The following SCAI variants were observed in gnomAD, a reference collection of about 807,000 sequenced individuals.
SCAI encodes the protein suppressor of cancer cell invasion.
In SCAI, 24 loss-of-function variants were observed where a neutral mutation model predicts 92.2. The observed-to-expected ratio is 0.26, with a 90% CI of 0.19 to 0.37. The LOEUF (loss-of-function observed/expected upper bound fraction) is 0.37, where lower values mean the gene tolerates loss of function less well. SCAI is among the 10% of genes least tolerant of loss of function. The pLI, the probability that SCAI is intolerant of heterozygous loss-of-function variation, is 1.00. For missense variants in SCAI, 450 were observed against 736.2 expected (o/e 0.61, Z 4.50); for synonymous variants, 261 against 258.6 (o/e 1.01, Z -0.09).
intron 3 of SCAI, among the ~76,000 whole-genome samples, chr9:125,042,612 A>AGTGTGTGTGT (rs1221206087): frequency 1.1e-4 from 8 of 71,036 alleles, no homozygotes; most frequent in African/African-American, 4.2e-4. Context: ...CTTCCACCAG[A>AGTGTGTGTGT]GTATGTGTGT....
Position 124,947,866 on chromosome 9 carries a change from G to A in SCAI, c.*4941C>T, listed in dbSNP as rs1831172562. On this transcript the variant is annotated 3_prime_UTR_variant, in exon 18 of 18. Transcript: ENST00000336505. ...TCATATCAAATCTTTTACTCAGGGT[G>A]GGGAGGTGGTTTTGAATCACTGGCA... is the stretch of plus-strand genomic sequence containing the variant. 2 of 152,296 alleles carry A rather than the reference G, an allele frequency of 1.3e-5. 1 individual carries two copies. The highest frequency in any genetic ancestry group is 3.9e-4 in the East Asian group (2 of 5,182). The allele number at this position is 152,296 out of a possible 1,614,324, so 9.4% of individuals were successfully genotyped here.
intron 2 of SCAI, among the ~76,000 whole-genome samples, chr9:125,065,574 T>C (rs551091065): frequency 1.5e-4 from 23 of 152,208 alleles, no homozygotes; most frequent in Non-Finnish European, 2.6e-4. Context: ...GGAACATTCC[T>C]CAGCTCATTT....
intron 3 of SCAI, among the ~76,000 whole-genome samples, chr9:125,032,189 A>T (rs867080681): frequency 7.5e-4 from 61 of 81,304 alleles, no homozygotes; most frequent in South Asian, 2.9e-3. Flanking sequence ...ATATATATAT[A>T]TATATATTTT....
At chr9:124,997,337 T>G (rs1564371429) in intron 13 of SCAI, among the ~76,000 whole-genome samples, 2 of 152,292 alleles carry the variant, frequency 1.3e-5, no homozygotes, top group South Asian at 4.1e-4. Context: ...GAAACACAAG[T>G]CAATTTCATG....
intron 2 of SCAI, among the ~76,000 whole-genome samples, chr9:125,093,882 A>G (rs937283191): frequency 6.6e-6 from 1 of 151,830 alleles, no homozygotes; most frequent in African/African-American, 2.4e-5. Context: ...CGTTTTTTTA[A>G]TCTACACACT....
intron 17 of SCAI, among the ~76,000 whole-genome samples, chr9:124,963,426 G>A (rs550653256): frequency 1.4e-4 from 21 of 152,012 alleles, no homozygotes; most frequent in South Asian, 2.1e-4. Context: ...GAGCCACAGC[G>A]CCGGGCTGAG....
At chr9:125,055,761 T>C (rs1564395427) in intron 3 of SCAI, 115 bp downstream of exon 3, 7 of 755,776 alleles carry the variant, frequency 9.3e-6, no homozygotes, top group Non-Finnish European at 1.0e-5. Flanking sequence ...ATCACTCTAA[T>C]ACAGAAATTT....
chr9:125,004,135 C>T (rs998551668), intron 9 of SCAI, among the ~76,000 whole-genome samples: 1 of 151,988 alleles, frequency 6.6e-6, no homozygotes, highest in South Asian at 2.1e-4. Context: ...GAAATCGCAC[C>T]ATCGTATTCC....
intron 2 of SCAI, among the ~76,000 whole-genome samples, chr9:125,128,072 G>A (rs1835314145): frequency 1.3e-5 from 2 of 152,120 alleles, no homozygotes; most frequent in African/African-American, 4.8e-5. Flanking sequence ...CAGAACTTTG[G>A]GAGGCTGGGG....
intron 6 of SCAI, among the ~76,000 whole-genome samples, chr9:125,021,957 C>A (rs545809234): frequency 6.6e-6 from 1 of 152,188 alleles, no homozygotes; most frequent in East Asian, 1.9e-4. Context: ...AGACAACACA[C>A]ACTTTATTGA....
In SCAI at chr9:124,951,120, C is replaced by T. The variant is rs1352803179; in HGVS notation, c.*1687G>A. The T allele has an allele frequency of 6.8e-6, 1 of 147,992 alleles. No individual in the cohort carries two copies. Among genetic ancestry groups the T allele is most frequent in the African/African-American group, 2.5e-5 (1 of 40,180 alleles). 9.2% of individuals were successfully genotyped at this position (147,992 alleles called of 1,614,324 possible). On this transcript the variant is annotated 3_prime_UTR_variant, in exon 18 of 18. Coordinates refer to ENST00000336505, the MANE Select transcript of SCAI (RefSeq NM_001144877.3). ...AGTCCCCAAACCCCAAAAACAGTAA[C>T]TTTGGACTTCAGGTTTGAAAAATCA... is the stretch of plus-strand genomic sequence containing the variant.
At chr9:125,120,585 C>A (rs778785059) in intron 2 of SCAI, among the ~76,000 whole-genome samples, 2 of 152,060 alleles carry the variant, frequency 1.3e-5, no homozygotes, top group South Asian at 4.1e-4. Context: ...CCCAGCTACT[C>A]GGGAGGCTGA....
intron 17 of SCAI, chr9:124,968,457 G>A: frequency 1.0e-6 from 1 of 986,532 alleles, no homozygotes; most frequent in African/African-American, 1.6e-5. Context: ...GGATGGAGAA[G>A]ATAACCAGAT....
intron 3 of SCAI, among the ~76,000 whole-genome samples, chr9:125,039,385 C>CAAAAAAAAAAAAAAA (rs58716034): frequency 2.1e-5 from 1 of 48,362 alleles, no homozygotes; most frequent in African/African-American, 8.6e-5. Context: ...GACTCCATCT[C>CAAAAAAAAAAAAAAA]AAAAAAAAAA....
chr9:125,088,953 T>C (rs1181471407), intron 2 of SCAI, among the ~76,000 whole-genome samples: 1 of 152,170 alleles, frequency 6.6e-6, no homozygotes, highest in Non-Finnish European at 1.5e-5. Flanking sequence ...GCCAGTTGCA[T>C]CACCCCCCTA....
At chr9:125,049,495 C>T (rs1833512737) in intron 3 of SCAI, among the ~76,000 whole-genome samples, 1 of 152,200 alleles carries the variant, frequency 6.6e-6, no homozygotes, top group Non-Finnish European at 1.5e-5. Context: ...ATTCTCACTT[C>T]ATTATTATTG....
intron 2 of SCAI, among the ~76,000 whole-genome samples, chr9:125,065,735 C>A (rs1056077112): frequency 2.0e-5 from 3 of 152,064 alleles, no homozygotes; most frequent in African/African-American, 7.2e-5. Context: ...AAGGACATGA[C>A]AAAATTGGAC....
chr9:124,976,776 C>T (rs1403744637), intron 14 of SCAI, among the ~76,000 whole-genome samples: 3 of 152,150 alleles, frequency 2.0e-5, no homozygotes, highest in Non-Finnish European at 4.4e-5. Flanking sequence ...AAAAATAAAA[C>T]TCCTAGGAGT....
intron 2 of SCAI, among the ~76,000 whole-genome samples, chr9:125,129,598 G>A (rs997634971): frequency 9.3e-5 from 14 of 149,756 alleles, no homozygotes; most frequent in African/African-American, 3.4e-4. Context: ...CAAGTAGATG[G>A]GATTACAGGC....
Sources: gnomAD v4.1 joint callset for allele counts (sites outside exome capture counted in the v4.1 genomes callset) on GRCh38, gnomAD v4.1.1 for gene constraint, MANE v1.5 for transcripts, NCBI Gene and HGNC (gene_info 2026-07-23, HGNC 2026-07-21) for gene names.